The following DCAF10 variants were observed in gnomAD, a reference collection of about 807,000 sequenced individuals.
The protein encoded by DCAF10 is DDB1 and CUL4 associated factor 10.
Under a neutral mutation model 51.9 loss-of-function variants are expected in DCAF10, and 19 were observed. The ratio of observed to expected loss-of-function variants is 0.37; its 90% confidence interval spans 0.26 to 0.54. The LOEUF (loss-of-function observed/expected upper bound fraction) is 0.54, where lower values mean the gene tolerates loss of function less well. Among genes scored for constraint, DCAF10 ranks in the 20% least tolerant of loss-of-function variants. DCAF10 has a pLI of 0.87. For synonymous variants in DCAF10, 291 were observed against 297.1 expected (o/e 0.98, Z 0.21); for missense variants, 510 against 730.6 (o/e 0.70, Z 3.48).
intron 2 of DCAF10, among the ~76,000 whole-genome samples, chr9:37,822,073 C>T (rs7855562): frequency 0.043 from 6,578 of 152,142 alleles, 475 homozygotes; most frequent in African/African-American, 0.15. Context: ...TGCGATACCG[C>T]CTTACTCCTG....
chr9:37,801,100 G>C lies in DCAF10; in HGVS notation c.234G>C (p.Glu78Asp), dbSNP rs765347190. Residue 78 changes from glutamate to aspartate, a missense_variant, in exon 1 of 7, where the codon GAG becomes GAC. Coordinates refer to ENST00000377724, the MANE Select transcript of DCAF10 (RefSeq NM_024345.5). The surrounding 1 kb of genome is among the most constrained non-coding windows in gnomAD (Gnocchi z 5.5). ...AGCTAGGGCTGCCTGGAGCTCCGGA[G>C]TCCTCAACTGCCTCCGCCCCGGGAG... is the stretch of plus-strand genomic sequence containing the variant. ...SGELGLPGAPESSTASAPGEP... is the reference protein window; with the variant it reads ...SGELGLPGAPDSSTASAPGEP... 6.5e-7 allele frequency: 1 copy of C among 1,535,186 alleles called. No homozygotes were observed. The highest frequency in any genetic ancestry group is 1.2e-5 in the South Asian group (1 of 83,046).
At chr9:37,808,002 T>A (rs1286568026) in intron 1 of DCAF10, among the ~76,000 whole-genome samples, 1 of 152,144 alleles carries the variant, frequency 6.6e-6, no homozygotes, top group East Asian at 1.9e-4. Context: ...TAACTGTATG[T>A]AACAGCCGCT....
At chr9:37,852,083 G>T (rs1830668309) in intron 3 of DCAF10, among the ~76,000 whole-genome samples, 1 of 151,976 alleles carries the variant, frequency 6.6e-6, no homozygotes, top group East Asian at 1.9e-4. Context: ...AATAAAAAGA[G>T]ATCCAAATTT....
chr9:37,847,055 A>G (rs1830494332), intron 3 of DCAF10, among the ~76,000 whole-genome samples: 1 of 151,540 alleles, frequency 6.6e-6, no homozygotes, highest in Non-Finnish European at 1.5e-5. Flanking sequence ...GGAGTTCAAG[A>G]CCAGCCTGGC....
intron 1 of DCAF10, among the ~76,000 whole-genome samples, chr9:37,814,554 A>G (rs1354758498): frequency 6.6e-6 from 1 of 151,976 alleles, no homozygotes; most frequent in African/African-American, 2.4e-5. Context: ...TGCTGGAATT[A>G]TAGGTGAGAG....
At chr9:37,816,909 G>C (rs182862954) in intron 1 of DCAF10, among the ~76,000 whole-genome samples, 1 of 152,192 alleles carries the variant, frequency 6.6e-6, no homozygotes, top group East Asian at 1.9e-4. Context: ...ACCTGACATG[G>C]TATATATAAA....
chr9:37,814,113 TATATATATATATATTTGTTG>T (rs1156789916), intron 1 of DCAF10, among the ~76,000 whole-genome samples: 1 of 91,794 alleles, frequency 1.1e-5, no homozygotes, highest in East Asian at 2.9e-4. Flanking sequence ...TATATATATA[TATATATATATATATTTGTTG>T]TTGTTGTTGT....
chr9:37,861,756 A>C lies in DCAF10; in HGVS notation c.*248A>C. 2.6e-6 allele frequency: 1 copy of C among 386,356 alleles called. No homozygotes were observed. The highest frequency in any genetic ancestry group is 4.6e-6 in the Non-Finnish European group (1 of 216,112). 23.9% of individuals were successfully genotyped at this position (386,356 alleles called of 1,614,324 possible). A position where few individuals can be genotyped will look rare whatever the true frequency, so the allele number is the denominator to read the frequency against. ...TGCTCCTGCTGATCTGTGCCACTGA[A>C]CTCCAGTTCTTCTGGTCATTTTGCA... is the stretch of plus-strand genomic sequence containing the variant. On this transcript the variant is annotated 3_prime_UTR_variant, in exon 7 of 7. Transcript: ENST00000377724. This position sits in a 1 kb window ranked among gnomAD's most constrained non-coding sequence, Gnocchi z 4.9.
Position 37,809,437 on chromosome 9 carries a change from A to G in DCAF10, c.539+8032A>G, listed in dbSNP as rs551179353. On this transcript the variant is annotated intron_variant, in intron 1 of 6. Coordinates refer to ENST00000377724, the MANE Select transcript of DCAF10 (RefSeq NM_024345.5). ...AGAAATTAGTGAAATTTTAAAAACC[A>G]TCAGAAATACTGAATAGGGACAAAG... is the stretch of plus-strand genomic sequence containing the variant. Among the ~76,000 whole-genome samples, 26 of 152,286 alleles carry G rather than the reference A, an allele frequency of 1.7e-4. 1 individual carries two copies. The South Asian group carries it at 4.3e-3, about 25-fold the overall frequency.
At chr9:37,809,518 G>T (rs1829263710) in intron 1 of DCAF10, among the ~76,000 whole-genome samples, 1 of 152,092 alleles carries the variant, frequency 6.6e-6, no homozygotes, top group Non-Finnish European at 1.5e-5. Flanking sequence ...CTAAGAAAAT[G>T]CACAGATAAT....
chr9:37,857,444 A>G, intron 5 of DCAF10, 93 bp downstream of exon 5: 2 of 930,664 alleles, frequency 2.1e-6, no homozygotes, highest in Non-Finnish European at 3.1e-6. Flanking sequence ...TATGGTTTTA[A>G]TCCATAAAAA....
chr9:37,802,755 C>T (rs939272702), intron 1 of DCAF10, among the ~76,000 whole-genome samples: 5 of 152,148 alleles, frequency 3.3e-5, no homozygotes, highest in Non-Finnish European at 5.9e-5. Context: ...GGATGCACAC[C>T]TGAATAAGGT....
intron 5 of DCAF10, 121 bp from the exon 6 acceptor site, chr9:37,859,927 C>G (rs1489553947): frequency 5.1e-6 from 6 of 1,187,612 alleles, no homozygotes; most frequent in African/African-American, 1.5e-5. Context: ...CATATGGTAG[C>G]ATAAGGGGCA....
intron 1 of DCAF10, among the ~76,000 whole-genome samples, chr9:37,819,062 G>C (rs7037912): frequency 0.19 from 29,141 of 152,002 alleles, 3,197 homozygotes; most frequent in African/African-American, 0.29. Flanking sequence ...GAGGTGCTGT[G>C]CAAACATAAG....
chr9:37,814,885 C>T (rs1454557715), intron 1 of DCAF10, among the ~76,000 whole-genome samples: 3 of 152,078 alleles, frequency 2.0e-5, no homozygotes, highest in Non-Finnish European at 4.4e-5. Flanking sequence ...ACACTTTATA[C>T]CAAAATCTGA....
Position 37,861,037 on chromosome 9 carries a change from A to T in DCAF10, c.1312-103A>T, listed in dbSNP as rs1243042301. 1.4e-6 allele frequency: 2 copies of T among 1,456,640 alleles called. No homozygotes were observed. The highest frequency in any genetic ancestry group is 1.8e-6 in the Non-Finnish European group (2 of 1,096,170). 90.2% of individuals were successfully genotyped at this position (1,456,640 alleles called of 1,614,324 possible). On this transcript the variant is annotated intron_variant, in intron 6 of 6. Transcript: ENST00000377724. This position sits in a 1 kb window ranked among gnomAD's most constrained non-coding sequence, Gnocchi z 4.9. ...TTATTCTGAGTGATTTCTTGTAAAA[A>T]TTCTGTGGCTTTGGCAATCTGTTGA...
intron 4 of DCAF10, among the ~76,000 whole-genome samples, chr9:37,857,011 T>C (rs937134586): frequency 8.5e-5 from 13 of 152,144 alleles, no homozygotes; most frequent in Non-Finnish European, 1.8e-4. Context: ...GATTATTTGG[T>C]TTTTCATTTT....
At chr9:37,803,678 A>G (rs1049134146) in intron 1 of DCAF10, among the ~76,000 whole-genome samples, 1 of 138,012 alleles carries the variant, frequency 7.2e-6, no homozygotes, top group African/African-American at 2.8e-5. Context: ...TATGCCCTAC[A>G]TTTGTGTAGG....
intron 1 of DCAF10, among the ~76,000 whole-genome samples, chr9:37,817,541 T>A (rs1829578590): frequency 6.6e-6 from 1 of 152,120 alleles, no homozygotes; most frequent in Non-Finnish European, 1.5e-5. Context: ...GAGGTTGCAG[T>A]GAACTGAGGT....
Sources: allele counts gnomAD v4.1 joint callset (sites outside exome capture counted in the v4.1 genomes callset), GRCh38; gene constraint gnomAD v4.1.1; non-coding constraint Gnocchi (gnomAD v3.1); transcripts MANE v1.5; gene names NCBI Gene and HGNC (gene_info 2026-07-23, HGNC 2026-07-21).